The following SETD2 variants were observed in gnomAD, a reference collection of about 807,000 sequenced individuals.
The protein encoded by SETD2 is histone-lysine N-methyltransferase SETD2.
SETD2 carries 31 observed loss-of-function variants against 242.1 expected under a neutral mutation model. The ratio of observed to expected loss-of-function variants is 0.13; its 90% confidence interval spans 0.10 to 0.17. The LOEUF (loss-of-function observed/expected upper bound fraction) is 0.17. Ranked by LOEUF, SETD2 falls within the 10% of genes least tolerant of loss-of-function variation. SETD2 has a pLI of 1.00. For missense variants in SETD2, 2,481 were observed against 3,046.3 expected (o/e 0.81, Z 4.37); for synonymous variants, 1,006 against 1,066.5 (o/e 0.94, Z 1.11).
chr3:47,087,992 C>CAAACAAAT (rs1559706336), intron 10 of SETD2, 121 bp downstream of exon 10: 1 of 528,746 alleles, frequency 1.9e-6, no homozygotes, highest in African/African-American at 2.8e-5. Flanking sequence ...AACAAACAAA[C>CAAACAAAT]AAATAAATAA....
At chr3:47,159,307 T>C (rs1697411012) in intron 1 of SETD2, among the ~76,000 whole-genome samples, 1 of 152,202 alleles carries the variant, frequency 6.6e-6, no homozygotes, top group Non-Finnish European at 1.5e-5. Context: ...TCAAACTTAC[T>C]ATGCCTAAAA....
intron 13 of SETD2, among the ~76,000 whole-genome samples, chr3:47,063,880 G>T (rs1486272784): frequency 1.3e-5 from 2 of 152,068 alleles, no homozygotes; most frequent in African/African-American, 4.8e-5. Context: ...CTATTTGGGA[G>T]GCTGAGGCAG....
chr3:47,052,589 G>C (rs1240526658), intron 15 of SETD2, among the ~76,000 whole-genome samples: 1 of 152,110 alleles, frequency 6.6e-6, no homozygotes, highest in Non-Finnish European at 1.5e-5. Flanking sequence ...GGCCGAGGCA[G>C]GTGGATCACC....
intron 15 of SETD2, among the ~76,000 whole-genome samples, chr3:47,054,284 A>T (rs568185051): frequency 6.6e-6 from 1 of 152,286 alleles, no homozygotes; most frequent in East Asian, 1.9e-4. Flanking sequence ...AAACCAAGAG[A>T]ATCTTTTTTT....
intron 18 of SETD2, among the ~76,000 whole-genome samples, chr3:47,032,915 TG>T (rs1409823845): frequency 1.3e-5 from 2 of 149,720 alleles, no homozygotes; most frequent in African/African-American, 4.9e-5. Flanking sequence ...GTCTCAGAGA[TG>T]AAAAAAAAAA....
intron 9 of SETD2, among the ~76,000 whole-genome samples, chr3:47,090,748 A>G (rs1427541857): frequency 6.6e-6 from 1 of 152,236 alleles, no homozygotes; most frequent in African/African-American, 2.4e-5. Context: ...CAGATAAGCT[A>G]GAGACTAAGG....
At chr3:47,106,493 TAAAAAAAAAA>T (rs766455577) in intron 5 of SETD2, among the ~76,000 whole-genome samples, 22 of 57,262 alleles carry the variant, frequency 3.8e-4, no homozygotes, top group African/African-American at 1.3e-3. Flanking sequence ...ATTTTTGCTC[TAAAAAAAAAA>T]AAAAAAAAAA....
At chr3:47,156,332 C>G (rs191725615) in intron 1 of SETD2, among the ~76,000 whole-genome samples, 1 of 152,226 alleles carries the variant, frequency 6.6e-6, no homozygotes, top group East Asian at 1.9e-4. Flanking sequence ...CTGAGAAGAT[C>G]TGGAAACACC....
At chr3:47,097,888 A>G (rs2042067943) in intron 9 of SETD2, 67 bp downstream of exon 9, 5 of 1,543,896 alleles carry the variant, frequency 3.2e-6, no homozygotes, top group Non-Finnish European at 2.7e-6. Flanking sequence ...TATAACCTTC[A>G]ATCAGAAAAG....
rs2039334411 is a variant in SETD2 at position 47,042,657 on chromosome 3, G to A, written c.7142C>T (p.Pro2381Leu). ...VTNNLLDLPP[P>L]SPPKPKTIVL... is the part of the protein sequence containing the mutation. Reference sequence around the variant, plus strand: ...AATGGTTTTTGGTTTGGGAGGAGAGGGGGGCGGCAGATCCAAGAGATTATT... The same window carrying A: ...AATGGTTTTTGGTTTGGGAGGAGAGAGGGGCGGCAGATCCAAGAGATTATT... Residue 2381 changes from proline (P) to leucine (L), a missense_variant, in exon 17 of 21, where the codon CCC becomes CTC. Physicochemically the swap from Pro to Leu is moderately conservative, Grantham distance 98. This residue lies in a region of SETD2 where 235 missense variants were observed against 293.9 expected (regional missense o/e 0.80). Transcript: ENST00000409792. 1.2e-6 allele frequency: 2 copies of A among 1,611,998 alleles called. No homozygotes were observed. The highest frequency in any genetic ancestry group is 1.7e-6 in the Non-Finnish European group (2 of 1,179,376).
intron 1 of SETD2, among the ~76,000 whole-genome samples, chr3:47,145,169 C>A (rs1381548975): frequency 1.3e-5 from 2 of 152,104 alleles, no homozygotes; most frequent in East Asian, 3.9e-4. Context: ...TTGAGTAACG[C>A]TTACTGAAAA....
intron 1 of SETD2, among the ~76,000 whole-genome samples, chr3:47,144,448 C>T (rs1018380790): frequency 1.3e-5 from 2 of 151,800 alleles, no homozygotes; most frequent in African/African-American, 2.4e-5. Flanking sequence ...ACCATCCTGG[C>T]CAACATGGTG....
At chr3:47,062,823 G>A (rs1020608324) in intron 13 of SETD2, among the ~76,000 whole-genome samples, 1 of 151,994 alleles carries the variant, frequency 6.6e-6, no homozygotes, top group African/African-American at 2.4e-5. Flanking sequence ...GGTGGCTGTA[G>A]TCCCAGCTAC....
chr3:47,055,902 A>G (rs2040036464), intron 15 of SETD2, among the ~76,000 whole-genome samples: 1 of 147,954 alleles, frequency 6.8e-6, no homozygotes, highest in African/African-American at 2.5e-5. Flanking sequence ...AGTCCAAGCT[A>G]CTCGGGAGCC....
At chr3:47,027,456 A>C (rs947973263) in intron 18 of SETD2, among the ~76,000 whole-genome samples, 6 of 151,880 alleles carry the variant, frequency 4.0e-5, no homozygotes, top group African/African-American at 1.5e-4. Flanking sequence ...GATATACCTA[A>C]TGCTAAATGA....
Position 47,123,279 on chromosome 3 carries a change from T to C in SETD2, c.1357A>G (p.Asn453Asp). Residue 453 changes from asparagine to aspartate, a missense_variant, in exon 3 of 21, where the codon AAC becomes GAC. Physicochemically the swap from Asn to Asp is conservative, Grantham distance 23. Coordinates refer to ENST00000409792, the MANE Select transcript of SETD2 (RefSeq NM_014159.7). ...GAGTCAGAACTCTCTCGTGCTCTGT[T>C]ATCTGTGTATGGCCGAGAATAGCGC... ...RTRYSRPYTD[N>D]RARESSDSEE... 1.3e-6 allele frequency: 2 copies of C among 1,552,310 alleles called. No individual in the cohort carries two copies. Among genetic ancestry groups the C allele is most frequent in the Non-Finnish European group, 1.7e-6 (2 of 1,147,138 alleles).
At chr3:47,042,436 A>T in intron 17 of SETD2, 125 bp downstream of exon 17, 1 of 844,770 alleles carries the variant, frequency 1.2e-6, no homozygotes, top group East Asian at 2.5e-5. Flanking sequence ...CTGGAAATCC[A>T]GCAGCCTTCA....
At position 47,123,628 on chromosome 3, in the gene SETD2, T is replaced by C. The variant is rs764441172; in HGVS notation, c.1008A>G (p.Ser336=). Residue 336 remains serine (S), a synonymous_variant, in exon 3 of 21, where the codon TCA becomes TCG. Transcript: ENST00000409792. ...TGCTTGCTGAAAATTTTAAATCATG[T>C]GATCTTTGACTTGAAGAAGTCCGTA... ...DSVRTSSSQR[S]HDLKFSASIE... is the part of the protein sequence containing the mutation. 1.9e-6 allele frequency: 3 copies of C among 1,550,286 alleles called. No individual in the cohort carries two copies. The highest frequency in any genetic ancestry group is 2.6e-6 in the Non-Finnish European group (3 of 1,146,732).
Position 47,067,085 on chromosome 3 carries a change from C to T in SETD2, c.6094G>A (p.Glu2032Lys), listed in dbSNP as rs2107600224. The T allele has an allele frequency of 6.2e-7, 1 of 1,611,628 alleles. No individual in the cohort carries two copies. Among genetic ancestry groups the T allele is most frequent in the Non-Finnish European group, 8.5e-7 (1 of 1,178,024 alleles). Residue 2032 changes from glutamate to lysine, a missense_variant, in exon 13 of 21, where the codon GAA becomes AAA. Physicochemically the swap from Glu to Lys is moderately conservative, Grantham distance 56 (BLOSUM62 1). Around this residue, in one of 17 missense-constraint regions of SETD2, gnomAD observed 80 missense variants for 102.6 expected, o/e 0.78. Transcript: ENST00000409792. ...GAATACCTACTTGTGTTTTCCTTTT[C>T]AGTTTGACTTTTCTTTGGAATTCGA... ...VYRIPKKSQTEKENTTTERGR... is the reference protein window; with the variant it reads ...VYRIPKKSQTKKENTTTERGR...
Sources: gnomAD v4.1 joint callset for allele counts (sites outside exome capture counted in the v4.1 genomes callset) on GRCh38, gnomAD v4.1.1 for gene constraint, gnomAD v4.1.1 regional missense constraint, MANE v1.5 for transcripts, NCBI Gene and HGNC (gene_info 2026-07-23, HGNC 2026-07-21) for gene names.